Variants in IPO11 observed in about 807,000 individuals in gnomAD.
The protein encoded by IPO11 is importin-11.
A neutral mutation model predicts 143.2 loss-of-function variants in IPO11; 66 were observed. The ratio of observed to expected loss-of-function variants is 0.46; its 90% CI spans 0.38 to 0.57. The LOEUF (loss-of-function observed/expected upper bound fraction) is 0.57, where lower values mean the gene tolerates loss of function less well. IPO11 is among the 20% of genes least tolerant of loss of function. The pLI, the probability that IPO11 is intolerant of heterozygous loss-of-function variation, is 0.00. For missense variants in IPO11, 1,026 were observed against 1,141.0 expected (o/e 0.90, Z 1.45); for synonymous variants, 385 against 377.8 (o/e 1.02, Z -0.22).
intron 10 of IPO11, among the ~76,000 whole-genome samples, chr5:62,483,737 A>C (rs761284358): frequency 5.3e-5 from 8 of 151,860 alleles, no homozygotes; most frequent in Non-Finnish European, 1.2e-4. Flanking sequence ...ACATGCACAC[A>C]CCCCCCACAC....
chr5:62,528,745 G>T (rs2112309905), intron 21 of IPO11, among the ~76,000 whole-genome samples: 1 of 152,242 alleles, frequency 6.6e-6, no homozygotes. Context: ...TAATGGGCTG[G>T]ATTAGGAGTG....
intron 19 of IPO11, among the ~76,000 whole-genome samples, 173 bp downstream of exon 19, chr5:62,506,530 A>G (rs773312875): frequency 5.3e-5 from 8 of 152,130 alleles, no homozygotes; most frequent in Non-Finnish European, 1.0e-4. Context: ...TCGATTTTCT[A>G]AAAATGAGAA....
At chr5:62,457,396 A>G (rs1254342131) in intron 5 of IPO11, among the ~76,000 whole-genome samples, 1 of 152,114 alleles carries the variant, frequency 6.6e-6, no homozygotes, top group African/African-American at 2.4e-5. Context: ...AGGCGGCAGG[A>G]TCACTTAAGC....
intron 5 of IPO11, among the ~76,000 whole-genome samples, chr5:62,461,797 C>A (rs1489282461): frequency 6.6e-6 from 1 of 152,148 alleles, no homozygotes; most frequent in African/African-American, 2.4e-5. Flanking sequence ...TTCTTATCTG[C>A]AATGCTTGGG....
chr5:62,573,730 A>G (rs1277997034), intron 27 of IPO11, among the ~76,000 whole-genome samples: 2 of 152,238 alleles, frequency 1.3e-5, no homozygotes, highest in Non-Finnish European at 2.9e-5. Context: ...AATTACAAAA[A>G]TAGGCATGAT....
chr5:62,591,663 C>G lies in IPO11; in HGVS notation c.2669C>G (p.Thr890Ser). 1 of 1,599,380 alleles carries G rather than the reference C, an allele frequency of 6.3e-7. No homozygotes were observed. Among genetic ancestry groups the G allele is most frequent in the Non-Finnish European group, 8.5e-7 (1 of 1,171,614 alleles). Residue 890 changes from threonine to serine, a missense_variant, in exon 28 of 30, where the codon ACT (threonine) becomes AGT (serine). By Grantham distance (58) the Thr-to-Ser change is moderately conservative (BLOSUM62 1). Transcript: ENST00000325324. ...ATGACGGAAGATCCTGAAACAGGAA[C>G]TTATAAAGAGTAGGTGCATTATTTA... ...DVMTEDPETG[T>S]YKDCMLMSHL... is the part of the protein sequence containing the mutation.
intron 5 of IPO11, among the ~76,000 whole-genome samples, chr5:62,452,883 G>A (rs1251551572): frequency 6.6e-6 from 1 of 150,468 alleles, no homozygotes; most frequent in Admixed American, 6.6e-5. Context: ...CTCACGAGTA[G>A]CTAGGACTAC....
Position 62,552,119 on chromosome 5 carries a change from G to A in IPO11, c.2460+783G>A, listed in dbSNP as rs1431691642. Reference sequence around the variant, plus strand: ...AGCCTGGGCGACAGAGAGAAACTCTGTCTCAAAAAAGAAAAAAGAAAAAAG... The same window carrying A: ...AGCCTGGGCGACAGAGAGAAACTCTATCTCAAAAAAGAAAAAAGAAAAAAG... On this transcript the variant is annotated intron_variant, in intron 26 of 29. Coordinates refer to ENST00000325324, the MANE Select transcript of IPO11 (RefSeq NM_016338.5). 2.0e-5 allele frequency among the ~76,000 whole-genome samples: 3 copies of A among 151,976 alleles called. No homozygotes were observed. The South Asian group carries it at 6.3e-4, about 32-fold the overall frequency.
intron 21 of IPO11, chr5:62,526,618 G>T (rs1742377933): frequency 5.3e-6 from 1 of 187,258 alleles, no homozygotes; most frequent in African/African-American, 2.4e-5. Flanking sequence ...CAAGTGTTGA[G>T]ATATTATACC....
chr5:62,522,171 G>A (rs141814893), intron 20 of IPO11, among the ~76,000 whole-genome samples: 4 of 152,200 alleles, frequency 2.6e-5, no homozygotes, highest in African/African-American at 7.2e-5. Flanking sequence ...GAATCCTGAA[G>A]CATCACCCAA....
In IPO11 at chr5:62,546,675, C is replaced by G. The variant is rs568786216; in HGVS notation, c.2251-3692C>G. ...GGGTTTAAACTAAAGTGCAAAAGTT[C>G]TTTTTGTAATAACAAAATGTTGTCA... On this transcript the variant is annotated intron_variant, in intron 24 of 29. Coordinates refer to ENST00000325324, the MANE Select transcript of IPO11 (RefSeq NM_016338.5). Among the ~76,000 whole-genome samples the G allele has an allele frequency of 1.8e-4, 27 of 152,150 alleles. No individual in the cohort carries two copies. In the South Asian group the frequency reaches 4.4e-3, roughly 25 times the overall value.
intron 27 of IPO11, among the ~76,000 whole-genome samples, chr5:62,565,291 G>C (rs1259339043): frequency 6.6e-6 from 1 of 152,140 alleles, no homozygotes; most frequent in Non-Finnish European, 1.5e-5. Flanking sequence ...TTTGAGACCA[G>C]CCTGGGCCAA....
At chr5:62,573,886 T>A (rs982288721) in intron 27 of IPO11, among the ~76,000 whole-genome samples, 1 of 152,188 alleles carries the variant, frequency 6.6e-6, no homozygotes, top group Non-Finnish European at 1.5e-5. Flanking sequence ...TGGCTTAACA[T>A]TGAGAGTTCC....
At chr5:62,428,199 CT>C (rs879775709) in intron 1 of IPO11, among the ~76,000 whole-genome samples, 23 of 146,642 alleles carry the variant, frequency 1.6e-4, no homozygotes, top group Middle Eastern at 7.1e-3. Context: ...ACCGTAGACA[CT>C]TTTTTTTTTT....
chr5:62,419,850 A>G (rs1743436327), intron 1 of IPO11, among the ~76,000 whole-genome samples: 1 of 152,038 alleles, frequency 6.6e-6, no homozygotes, highest in African/African-American at 2.4e-5. Flanking sequence ...AAAAATTAGC[A>G]TGGCATGATG....
chr5:62,505,564 G>A (rs1203745402), intron 18 of IPO11, among the ~76,000 whole-genome samples: 1 of 152,056 alleles, frequency 6.6e-6, no homozygotes, highest in Non-Finnish European at 1.5e-5. Context: ...TTGGATGAAA[G>A]AAATGTGTTG....
intron 20 of IPO11, among the ~76,000 whole-genome samples, chr5:62,525,060 C>A (rs558075574): frequency 6.6e-6 from 1 of 152,160 alleles, no homozygotes; most frequent in South Asian, 2.1e-4. Context: ...TTCTCTTCTT[C>A]TTCCATCTTT....
At chr5:62,459,756 G>A (rs971100238) in intron 5 of IPO11, among the ~76,000 whole-genome samples, 1 of 151,996 alleles carries the variant, frequency 6.6e-6, no homozygotes, top group African/African-American at 2.4e-5. Flanking sequence ...TCACCATATT[G>A]GCCAGGCTGG....
At chr5:62,448,344 G>C (rs975352539) in intron 3 of IPO11, among the ~76,000 whole-genome samples, 1 of 152,100 alleles carries the variant, frequency 6.6e-6, no homozygotes, top group Non-Finnish European at 1.5e-5. Flanking sequence ...TTCAAAACCT[G>C]TGAATTTTCC....
Sources: allele counts gnomAD v4.1 joint callset (sites outside exome capture counted in the v4.1 genomes callset), GRCh38; gene constraint gnomAD v4.1.1; transcripts MANE v1.5; gene names NCBI Gene and HGNC (gene_info 2026-07-23, HGNC 2026-07-21).